PRDM2: variants seen among roughly 807,000 people sequenced by gnomAD.
The protein encoded by PRDM2 is PR/SET domain 2, also known as PR domain zinc finger protein 2.
In PRDM2, 30 loss-of-function variants were observed where a neutral mutation model predicts 130.0. The ratio of observed to expected loss-of-function variants is 0.23; its 90% CI spans 0.17 to 0.31. PRDM2 has a LOEUF of 0.31. Ranked by LOEUF, PRDM2 falls within the 10% of genes least tolerant of loss-of-function variation. The probability of loss-of-function intolerance (pLI) is 1.00; values close to 1 mark genes in which losing one functional copy is unlikely to be tolerated. For missense variants in PRDM2, 2,011 were observed against 2,108.4 expected (o/e 0.95, Z 0.90); for synonymous variants, 871 against 782.4 (o/e 1.11, Z -1.89).
At chr1:13,747,366 C>T (rs746500014) in intron 5 of PRDM2, among the ~76,000 whole-genome samples, 3 of 152,206 alleles carry the variant, frequency 2.0e-5, no homozygotes, top group Non-Finnish European at 4.4e-5. Flanking sequence ...TTTACACAAT[C>T]TAGAAACAGT....
intron 1 of PRDM2, among the ~76,000 whole-genome samples, chr1:13,709,950 C>G (rs1569672059): frequency 1.3e-5 from 2 of 152,138 alleles, no homozygotes; most frequent in East Asian, 3.9e-4. Context: ...TAAAGTGATC[C>G]TAAAGAAAAT....
chr1:13,809,198 A>G (rs1374139659), intron 8 of PRDM2, among the ~76,000 whole-genome samples: 2 of 152,180 alleles, frequency 1.3e-5, no homozygotes, highest in Non-Finnish European at 2.9e-5. Flanking sequence ...CCTGGGAGCC[A>G]TGGGGTTTTG....
intron 7 of PRDM2, among the ~76,000 whole-genome samples, chr1:13,775,168 G>A (rs949835633): frequency 2.0e-5 from 3 of 152,220 alleles, no homozygotes; most frequent in African/African-American, 7.2e-5. Flanking sequence ...ACCACATAAA[G>A]TGCGTGGATC....
intron 8 of PRDM2, among the ~76,000 whole-genome samples, chr1:13,799,158 G>A (rs1192484647): frequency 6.6e-6 from 1 of 152,138 alleles, no homozygotes; most frequent in Non-Finnish European, 1.5e-5. Context: ...ATTAAGAATT[G>A]TGAGGCCGGG....
intron 8 of PRDM2, among the ~76,000 whole-genome samples, chr1:13,800,063 CCATTCATT>C (rs534865432): frequency 7.2e-5 from 11 of 151,868 alleles, no homozygotes; most frequent in East Asian, 1.9e-4. Flanking sequence ...CAGATCTTGG[CCATTCATT>C]CATTCATTCA....
At chr1:13,758,464 A>T (rs1180694094) in intron 6 of PRDM2, among the ~76,000 whole-genome samples, 1 of 151,712 alleles carries the variant, frequency 6.6e-6, no homozygotes, top group Non-Finnish European at 1.5e-5. Flanking sequence ...AAAAAAAAAA[A>T]AGTAAGTAGT....
intron 7 of PRDM2, among the ~76,000 whole-genome samples, chr1:13,777,635 A>C (rs968091889): frequency 0.094 from 1,666 of 17,780 alleles, 7 homozygotes; most frequent in Non-Finnish European, 0.12. Flanking sequence ...TCCTCCTCCC[A>C]CCCCCCCCCC....
intron 1 of PRDM2, among the ~76,000 whole-genome samples, chr1:13,703,715 G>A (rs902632506): frequency 1.3e-4 from 20 of 152,246 alleles, no homozygotes; most frequent in African/African-American, 4.3e-4. Flanking sequence ...GAGTTGATGC[G>A]TGGTAAATAA....
At chr1:13,726,002 T>G (rs1445539973) in intron 2 of PRDM2, among the ~76,000 whole-genome samples, 3 of 152,232 alleles carry the variant, frequency 2.0e-5, no homozygotes, top group Non-Finnish European at 4.4e-5. Context: ...AGCGAGATTG[T>G]CTGGATTGAA....
chr1:13,714,926 C>T (rs560243482), intron 1 of PRDM2, among the ~76,000 whole-genome samples: 1 of 152,300 alleles, frequency 6.6e-6, no homozygotes, highest in East Asian at 1.9e-4. Flanking sequence ...TACGCATTTA[C>T]AAGAAATAAT....
chr1:13,766,141 G>T (rs957225329), intron 6 of PRDM2, among the ~76,000 whole-genome samples: 1 of 152,204 alleles, frequency 6.6e-6, no homozygotes. Context: ...TCAGCCTTGA[G>T]CATAGTGAGT....
At chr1:13,721,676 A>T (rs1642733741) in intron 2 of PRDM2, among the ~76,000 whole-genome samples, 1 of 152,214 alleles carries the variant, frequency 6.6e-6, no homozygotes. Flanking sequence ...AAAAAAATTA[A>T]CAACCTGAAT....
At chr1:13,725,174 T>C (rs567386400) in intron 2 of PRDM2, among the ~76,000 whole-genome samples, 185 of 152,314 alleles carry the variant, frequency 1.2e-3, no homozygotes, top group African/African-American at 4.4e-3. Flanking sequence ...TAGATCCACA[T>C]GAAGTTATAA....
chr1:13,702,175 C>CATAT (rs1009906268), intron 1 of PRDM2, among the ~76,000 whole-genome samples: 2 of 151,844 alleles, frequency 1.3e-5, no homozygotes, highest in South Asian at 4.2e-4. Flanking sequence ...AGTTCATTCA[C>CATAT]ATATATATAT....
chr1:13,742,213 C>CT (rs920329508), intron 5 of PRDM2, 56 bp downstream of exon 5: 18 of 1,561,376 alleles, frequency 1.2e-5, no homozygotes, highest in African/African-American at 5.5e-5. Flanking sequence ...TTTCCTTTTT[C>CT]TTTTTTTGAG....
At chr1:13,777,783 C>G (rs556214383) in intron 7 of PRDM2, among the ~76,000 whole-genome samples, 13 of 151,348 alleles carry the variant, frequency 8.6e-5, no homozygotes, top group African/African-American at 2.2e-4. Context: ...GATTTCTGTT[C>G]CCTTCAGTGA....
intron 4 of PRDM2, among the ~76,000 whole-genome samples, chr1:13,733,719 G>T (rs959278516): frequency 3.3e-5 from 5 of 152,172 alleles, no homozygotes; most frequent in African/African-American, 9.7e-5. Context: ...GGGGTATTGC[G>T]TAGGAATTCA....
At chr1:13,717,535 C>A in intron 2 of PRDM2, 1 of 653,298 alleles carries the variant, frequency 1.5e-6, no homozygotes, top group Non-Finnish European at 1.9e-6. Flanking sequence ...ATTAATTATG[C>A]CTTAATTCTT....
intron 4 of PRDM2, among the ~76,000 whole-genome samples, chr1:13,741,362 T>C (rs571213306): frequency 6.6e-6 from 1 of 152,294 alleles, no homozygotes; most frequent in Admixed American, 6.5e-5. Context: ...GTCTATTCCA[T>C]CACCCCTTCA....
Sources: gnomAD v4.1 joint callset for allele counts (sites outside exome capture counted in the v4.1 genomes callset) on GRCh38, gnomAD v4.1.1 for gene constraint, MANE v1.5 for transcripts, NCBI Gene and HGNC (gene_info 2026-07-23, HGNC 2026-07-21) for gene names.